The following DIDO1 variants were observed in gnomAD, a reference collection of about 807,000 sequenced individuals.
DIDO1 encodes the protein death inducer-obliterator 1, also known as death-inducer obliterator 1.
DIDO1 carries 16 observed loss-of-function variants against 99.4 expected under a neutral mutation model. That is an observed-to-expected ratio of 0.16 (90% CI 0.11 to 0.24). The LOEUF (loss-of-function observed/expected upper bound fraction) is 0.24. DIDO1 is among the 10% of genes least tolerant of loss of function. The pLI is 1.00. For synonymous variants in DIDO1, 1,366 were observed against 1,239.1 expected (o/e 1.10, Z -2.15); for missense variants, 2,996 against 3,014.0 (o/e 0.99, Z 0.14).
chr20:62,888,736 G>T (rs2064341559), intron 15 of DIDO1: 1 of 985,466 alleles, frequency 1.0e-6, no homozygotes, highest in East Asian at 1.1e-4. Flanking sequence ...TTTATATCTA[G>T]AAAACGCCAA....
At chr20:62,932,841 G>A (rs1292236766) in intron 1 of DIDO1, among the ~76,000 whole-genome samples, 3 of 152,222 alleles carry the variant, frequency 2.0e-5, no homozygotes, top group Non-Finnish European at 4.4e-5. Context: ...AAGAGGGAGG[G>A]GGAAGGTCAC....
At chr20:62,890,545 CCT>C in intron 15 of DIDO1, 7 of 1,007,476 alleles carry the variant, frequency 6.9e-6, no homozygotes, top group Non-Finnish European at 8.3e-6. Context: ...GAAATCCATC[CCT>C]GTTAGAGAAG....
In DIDO1 at chr20:62,887,464, C is replaced by T. The variant is rs988423476; in HGVS notation, c.3541+3496G>A. On this transcript the variant is annotated intron_variant, in intron 15 of 15. Transcript: ENST00000395343. The stretch of plus-strand genomic sequence containing the variant: ...AGAAGAGCTTTCTAATGTATAAAGA[C>T]CTCAGAGAAAAGAGCCCTTTCCATT... 1.1e-5 allele frequency: 11 copies of T among 985,326 alleles called. No individual in the cohort carries two copies. The African/African-American group carries it at 1.2e-4, about 11-fold the overall frequency. The allele number at this position is 985,326 out of a possible 1,614,324, so 61.0% of individuals were successfully genotyped here.
chr20:62,880,941 AAGC>A lies in DIDO1; in HGVS notation c.5012_5014del (p.Gly1671_Phe1672delinsVal). 1.2e-6 allele frequency: 2 copies of A among 1,608,550 alleles called. No individual in the cohort carries two copies. The highest frequency in any genetic ancestry group is 1.7e-6 in the Non-Finnish European group (2 of 1,179,732). On this transcript the variant is annotated inframe_deletion, in exon 16 of 16. Transcript: ENST00000395343. The stretch of plus-strand genomic sequence containing the variant: ...CCTCTCACCGTCGTGCTGCAGCGGG[AAGC>A]CGGGCTGCAGGGCGCCGCAAGGCGG...
chr20:62,880,717 G>C lies in DIDO1; in HGVS notation c.5239C>G (p.Gln1747Glu), dbSNP rs763123356. 2 of 1,612,712 alleles carry C rather than the reference G, an allele frequency of 1.2e-6. No homozygotes were observed. Among genetic ancestry groups the C allele is most frequent in the Middle Eastern group, 1.7e-4 (1 of 6,058 alleles). The change falls in exon 16 of 16, where the codon CAG becomes GAG. Residue 1747 changes from glutamine to glutamate, a missense_variant. This residue lies in a region of DIDO1 where 1,562 missense variants were observed against 1,412.6 expected (regional missense o/e 1.11). Transcript: ENST00000395343. ...TCCCGCTGACCCTGAAACGGGGGCTGAGAGCCCCCCACTTTCTGTCCTGGT... is the reference window on the plus strand; with the variant it reads ...TCCCGCTGACCCTGAAACGGGGGCTCAGAGCCCCCCACTTTCTGTCCTGGT... ...PPPGQKVGGS[Q>E]PPFQGQREPG...
rs2064477663 is a variant in DIDO1 at position 62,894,703 on chromosome 20, T to TA, written c.2436+106dup. On this transcript the variant is annotated intron_variant, in intron 10 of 15. Transcript: ENST00000395343. The surrounding 1 kb of genome is among the most constrained non-coding windows in gnomAD (Gnocchi z 4.4). ...AGGACTGAGGAATGCCACAATGACA[T>TA]ACACCTGCTGTAAGCTCAGGTCCTG... The TA allele has an allele frequency of 3.5e-6, 5 of 1,410,140 alleles. No homozygotes were observed. In the South Asian group the frequency reaches 6.5e-5, roughly 18 times the overall value. The allele number at this position is 1,410,140 out of a possible 1,614,324, so 87.4% of individuals were successfully genotyped here.
chr20:62,910,317 T>A (rs756955650), intron 3 of DIDO1, among the ~76,000 whole-genome samples: 1 of 152,350 alleles, frequency 6.6e-6, no homozygotes, highest in Non-Finnish European at 1.5e-5. Flanking sequence ...GCCAACAGGC[T>A]GCCTATCACC....
At chr20:62,937,300 T>C (rs972018461) in intron 1 of DIDO1, among the ~76,000 whole-genome samples, 1 of 152,274 alleles carries the variant, frequency 6.6e-6, no homozygotes, top group Non-Finnish European at 1.5e-5. Context: ...GCATTCCTCC[T>C]GAGCGGACAG....
At chr20:62,935,186 C>T (rs1311130962) in intron 1 of DIDO1, among the ~76,000 whole-genome samples, 1 of 152,226 alleles carries the variant, frequency 6.6e-6, no homozygotes, top group Non-Finnish European at 1.5e-5. Flanking sequence ...TCACTCTGGT[C>T]TTCCTTCTTA....
chr20:62,897,522 T>C (rs1375341280), intron 6 of DIDO1, among the ~76,000 whole-genome samples: 1 of 152,196 alleles, frequency 6.6e-6, no homozygotes, highest in Non-Finnish European at 1.5e-5. Context: ...AATAAAAATA[T>C]GGAAAGCTGG....
chr20:62,925,342 G>A (rs901957530), intron 1 of DIDO1, among the ~76,000 whole-genome samples: 3 of 152,190 alleles, frequency 2.0e-5, no homozygotes, highest in Non-Finnish European at 2.9e-5. Context: ...GCACTGCTAA[G>A]GACCTTTCTC....
chr20:62,899,436 G>C (rs781035486), intron 6 of DIDO1, among the ~76,000 whole-genome samples: 15 of 152,116 alleles, frequency 9.9e-5, no homozygotes, highest in South Asian at 6.2e-4. Context: ...TCTCCAGATC[G>C]TAAGTGTTGG....
At position 62,879,893 on chromosome 20, in the gene DIDO1, C is replaced by T; in HGVS notation, c.6063G>A (p.Pro2021=). Reference sequence around the variant, plus strand: ...GAAGCTCCAGCAGGGGCCTGGGGCCCGGCTTCATCACCTGCGGGGCCTGGC... The same window carrying T: ...GAAGCTCCAGCAGGGGCCTGGGGCCTGGCTTCATCACCTGCGGGGCCTGGC... ...FQGQAPQVMK[P]GPRPLLELPS... The change falls in exon 16 of 16, where the codon CCG becomes CCA. Residue 2021 remains proline (P), a synonymous_variant. Transcript: ENST00000395343. The surrounding 1 kb of genome is among the most constrained non-coding windows in gnomAD (Gnocchi z 6.3). 2.5e-6 allele frequency: 4 copies of T among 1,586,644 alleles called. No individual in the cohort carries two copies. The highest frequency in any genetic ancestry group is 1.1e-5 in the South Asian group (1 of 87,462).
upstream of DIDO1, among the ~76,000 whole-genome samples, chr20:62,926,692 C>T (rs2065263325): frequency 6.6e-6 from 1 of 152,220 alleles, no homozygotes; most frequent in Non-Finnish European, 1.5e-5. Context: ...TTGCTTGCAT[C>T]CTTTGTGGAC....
intron 1 of DIDO1, among the ~76,000 whole-genome samples, chr20:62,919,465 G>A (rs552700095): frequency 5.9e-5 from 9 of 152,080 alleles, no homozygotes; most frequent in South Asian, 4.2e-4. Context: ...ACTTAAACCC[G>A]GGAAGCGGAG....
chr20:62,934,176 T>C (rs1395925020), intron 1 of DIDO1, among the ~76,000 whole-genome samples: 2 of 152,148 alleles, frequency 1.3e-5, no homozygotes, highest in Non-Finnish European at 2.9e-5. Flanking sequence ...CACCTACCTC[T>C]TTCCTGCTCT....
intron 1 of DIDO1, among the ~76,000 whole-genome samples, chr20:62,914,689 A>G (rs2065008215): frequency 6.6e-6 from 1 of 152,192 alleles, no homozygotes; most frequent in Non-Finnish European, 1.5e-5. Context: ...GCCCAGCCAG[A>G]CCAGGGCCAG....
At chr20:62,888,925 G>T in intron 15 of DIDO1, 1 of 985,478 alleles carries the variant, frequency 1.0e-6, no homozygotes, top group Non-Finnish European at 1.2e-6. Context: ...GAAGTGTATG[G>T]AAAGGTTTCA....
intron 6 of DIDO1, chr20:62,905,577 A>C (rs1164143970): frequency 6.4e-6 from 10 of 1,551,046 alleles, no homozygotes; most frequent in Non-Finnish European, 8.7e-6. Flanking sequence ...ACTGGGATGA[A>C]GAGAATACGA....
Sources: gnomAD v4.1 joint callset for allele counts (sites outside exome capture counted in the v4.1 genomes callset) on GRCh38, gnomAD v4.1.1 for gene constraint, gnomAD v4.1.1 regional missense constraint, Gnocchi (gnomAD v3.1) non-coding constraint, MANE v1.5 for transcripts, NCBI Gene and HGNC (gene_info 2026-07-23, HGNC 2026-07-21) for gene names.